The following LINGO1 variants were observed in gnomAD, a reference collection of about 807,000 sequenced individuals.
The protein encoded by LINGO1 is leucine-rich repeat and immunoglobulin-like domain-containing nogo receptor-interacting protein 1.
LINGO1 carries 11 observed loss-of-function variants against 37.3 expected under a neutral mutation model. That is an observed-to-expected ratio of 0.29 (90% CI 0.19 to 0.49). The LOEUF (loss-of-function observed/expected upper bound fraction) is 0.49. Among genes scored for constraint, LINGO1 ranks in the 20% least tolerant of loss-of-function variants. LINGO1 has a pLI of 0.99. For missense variants in LINGO1, 585 were observed against 878.2 expected (o/e 0.67, Z 4.22); for synonymous variants, 387 against 403.0 (o/e 0.96, Z 0.48).
chr15:77,744,561 A>C (rs973308742), intron 1 of LINGO1, among the ~76,000 whole-genome samples: 1 of 152,170 alleles, frequency 6.6e-6, no homozygotes, highest in Non-Finnish European at 1.5e-5. Context: ...AAAATAACAA[A>C]AGCCGCTAAC....
At position 77,642,587 on chromosome 15, in the gene LINGO1, G is replaced by A. The variant is rs554376256; in HGVS notation, c.-12-26687C>T. On this transcript the variant is annotated intron_variant, in intron 3 of 3. Coordinates refer to the LINGO1 transcript ENST00000559893. ...CCAAGGGCCACACGAAGGCCAGGAG[G>A]GCAGTCTGGGCCTAGGGAAGGTGCC... 5.9e-5 allele frequency among the ~76,000 whole-genome samples: 9 copies of A among 152,282 alleles called. No individual in the cohort carries two copies. In the East Asian group the frequency reaches 1.5e-3, roughly 26 times the overall value.
upstream of LINGO1, among the ~76,000 whole-genome samples, chr15:77,638,335 G>A (rs189814465): frequency 6.6e-6 from 1 of 152,290 alleles, no homozygotes; most frequent in Admixed American, 6.5e-5. Flanking sequence ...GTTACTGTGG[G>A]ATGCAGTTAG....
Position 77,613,929 on chromosome 15 carries a change from G to C in LINGO1, c.*115C>G, listed in dbSNP as rs2073591616. On this transcript the variant is annotated 3_prime_UTR_variant, in exon 2 of 2. Coordinates refer to ENST00000355300, the MANE Select transcript of LINGO1 (RefSeq NM_032808.7). ...AGGGGACGGAGGCGGGAGGGAGAAA[G>C]AGAACGTGTGTAGAAGGGTAGGGAG... 1 of 865,970 alleles carries C rather than the reference G, an allele frequency of 1.2e-6. No individual in the cohort carries two copies. The highest frequency in any genetic ancestry group is 1.7e-6 in the Non-Finnish European group (1 of 576,106). The allele number at this position is 865,970 out of a possible 1,614,324, so 53.6% of individuals were successfully genotyped here. A position where few individuals can be genotyped will look rare whatever the true frequency, so the allele number is the denominator to read the frequency against.
At chr15:77,754,867 C>G (rs1474425519) in intron 1 of LINGO1, among the ~76,000 whole-genome samples, 1 of 152,252 alleles carries the variant, frequency 6.6e-6, no homozygotes, top group Non-Finnish European at 1.5e-5. Flanking sequence ...CTGGGAAATT[C>G]ACAGGCTTCC....
chr15:77,629,036 C>T (rs2074176665), intron 1 of LINGO1, among the ~76,000 whole-genome samples: 1 of 152,232 alleles, frequency 6.6e-6, no homozygotes, highest in South Asian at 2.1e-4. Context: ...GTCACGACCT[C>T]CCTTGAGGTG....
chr15:77,689,815 C>A (rs940096093), intron 2 of LINGO1, among the ~76,000 whole-genome samples: 1 of 151,646 alleles, frequency 6.6e-6, no homozygotes, highest in African/African-American at 2.4e-5. Context: ...CTTCTAAGTT[C>A]AAAAAAAAGA....
chr15:77,819,051 G>A (rs952579924), intron 1 of LINGO1, among the ~76,000 whole-genome samples: 14 of 151,698 alleles, frequency 9.2e-5, no homozygotes, highest in Middle Eastern at 3.4e-3. Flanking sequence ...GGTGAGGCGG[G>A]GCCGCGGCCT....
intron 1 of LINGO1, among the ~76,000 whole-genome samples, chr15:77,748,224 C>T (rs188272573): frequency 2.0e-5 from 3 of 152,334 alleles, no homozygotes; most frequent in Admixed American, 2.0e-4. Context: ...CCTAAGAGGG[C>T]AGTGCCTTCA....
intron 2 of LINGO1, among the ~76,000 whole-genome samples, chr15:77,708,115 T>C (rs1323278523): frequency 1.3e-5 from 2 of 152,148 alleles, no homozygotes; most frequent in South Asian, 2.1e-4. Flanking sequence ...AAATTTCCTA[T>C]AATGAGGTGA....
chr15:77,615,833 G>A lies in LINGO1; in HGVS notation c.74C>T (p.Pro25Leu). Residue 25 changes from proline (P) to leucine (L), a missense_variant, in exon 2 of 2, where the codon CCC becomes CTC. Pro to Leu is a moderately conservative substitution (Grantham distance 98, BLOSUM62 -3). Coordinates refer to ENST00000355300, the MANE Select transcript of LINGO1 (RefSeq NM_032808.7). ...TGAGCCCAGCACCAGCAGGAGGATG[G>A]GCTGCCAGCAGGCCAGGAGGGGGCT... ...MPSPLLACWQ[P>L]ILLLVLGSVL... The A allele has an allele frequency of 6.6e-7, 1 of 1,517,892 alleles. No homozygotes were observed. The highest frequency in any genetic ancestry group is 1.3e-5 in the South Asian group (1 of 78,606). The allele number at this position is 1,517,892 out of a possible 1,614,324, so 94.0% of individuals were successfully genotyped here.
intron 2 of LINGO1, among the ~76,000 whole-genome samples, chr15:77,726,581 T>C (rs560787575): frequency 1.3e-5 from 2 of 152,314 alleles, no homozygotes; most frequent in East Asian, 1.9e-4. Context: ...TTACACCATA[T>C]ACAAAAATTA....
chr15:77,772,906 G>A lies in LINGO1; in HGVS notation c.-257+13963C>T, dbSNP rs529944829. ...CGCTAATTAGCAGGAACCAGCTTCG[G>A]CTCTGGGGACTGGGAGGCCAGGGGA... On this transcript the variant is annotated intron_variant, in intron 1 of 3. Coordinates refer to the LINGO1 transcript ENST00000561686. 6.2e-4 allele frequency among the ~76,000 whole-genome samples: 95 copies of A among 152,280 alleles called. 1 individual carries two copies. Among genetic ancestry groups the A allele is most frequent in the African/African-American group, 2.2e-3 (91 of 41,550 alleles).
At chr15:77,723,061 A>G (rs1279879048) in intron 2 of LINGO1, among the ~76,000 whole-genome samples, 1 of 152,170 alleles carries the variant, frequency 6.6e-6, no homozygotes, top group Non-Finnish European at 1.5e-5. Context: ...CCCAGGGCCC[A>G]TCGCTTTCCC....
At chr15:77,765,629 G>C (rs888638515) in intron 1 of LINGO1, among the ~76,000 whole-genome samples, 2 of 152,070 alleles carry the variant, frequency 1.3e-5, no homozygotes, top group Non-Finnish European at 2.9e-5. Flanking sequence ...TTCCAGTGGG[G>C]AGGATCAAAC....
intron 1 of LINGO1, among the ~76,000 whole-genome samples, chr15:77,813,622 C>T (rs889750272): frequency 6.6e-6 from 1 of 152,092 alleles, no homozygotes; most frequent in Non-Finnish European, 1.5e-5. Flanking sequence ...CCAGAGGAGG[C>T]GCCCAAACAG....
chr15:77,667,189 C>G (rs1250099088), intron 3 of LINGO1: 2 of 152,502 alleles, frequency 1.3e-5, no homozygotes, highest in Middle Eastern at 6.3e-3. Flanking sequence ...GAGGTCAGCA[C>G]CAGCAGAGCT....
At chr15:77,688,366 C>T (rs1158141198) in intron 2 of LINGO1, among the ~76,000 whole-genome samples, 4 of 152,262 alleles carry the variant, frequency 2.6e-5, no homozygotes, top group Non-Finnish European at 5.9e-5. Context: ...CTTCTCATTA[C>T]TCCACTTGAA....
rs74025338 is a variant in LINGO1 at position 77,644,163 on chromosome 15, C to G, written c.-12-28263G>C. 4.8e-3 allele frequency among the ~76,000 whole-genome samples: 735 copies of G among 152,318 alleles called. 5 individuals are homozygous for G. The highest frequency in any genetic ancestry group is 0.017 in the African/African-American group (705 of 41,556). On this transcript the variant is annotated intron_variant, in intron 3 of 3. Coordinates refer to the LINGO1 transcript ENST00000559893. Reference sequence around the variant, plus strand: ...AGGATACGTAGCTGTGTTGTGTTGTCGAACTCTGTGGTATGTGTCATGTTG... The same window carrying G: ...AGGATACGTAGCTGTGTTGTGTTGTGGAACTCTGTGGTATGTGTCATGTTG...
intron 3 of LINGO1, among the ~76,000 whole-genome samples, chr15:77,654,624 G>T (rs150357763): frequency 6.6e-6 from 1 of 152,098 alleles, no homozygotes; most frequent in African/African-American, 2.4e-5. Context: ...CCTCCAGTCT[G>T]TGAGAGGTGG....
Sources: gnomAD v4.1 joint callset for allele counts (sites outside exome capture counted in the v4.1 genomes callset) on GRCh38, gnomAD v4.1.1 for gene constraint, MANE v1.5 for transcripts, NCBI Gene and HGNC (gene_info 2026-07-23, HGNC 2026-07-21) for gene names.